The following CNTNAP2 variants were observed in gnomAD, a reference collection of about 807,000 sequenced individuals.
The protein encoded by CNTNAP2 is contactin-associated protein-like 2.
In CNTNAP2, 98 loss-of-function variants were observed where a neutral mutation model predicts 155.2. That is an observed-to-expected ratio of 0.63 (90% confidence interval 0.54 to 0.75). CNTNAP2 has a LOEUF of 0.75. Ranked by LOEUF, CNTNAP2 falls within the 30% of genes least tolerant of loss-of-function variation. CNTNAP2 has a pLI of 0.00. For missense variants in CNTNAP2, 1,727 were observed against 1,688.1 expected (o/e 1.02, Z -0.40); for synonymous variants, 651 against 631.2 (o/e 1.03, Z -0.47).
chr7:148,066,433 G>C (rs1478132728), intron 15 of CNTNAP2, among the ~76,000 whole-genome samples: 1 of 151,888 alleles, frequency 6.6e-6, no homozygotes, highest in African/African-American at 2.4e-5. Context: ...TCTTAGGTTT[G>C]GTCATTTAAC....
chr7:147,706,794 A>G (rs145654533), intron 13 of CNTNAP2, among the ~76,000 whole-genome samples: 2,908 of 152,282 alleles, frequency 0.019, 95 homozygotes, highest in African/African-American at 0.066. Context: ...ATTGTGTTCC[A>G]TATGCCACAA....
intron 1 of CNTNAP2, among the ~76,000 whole-genome samples, chr7:146,689,995 A>T (rs1009570899): frequency 2.7e-5 from 4 of 146,616 alleles, no homozygotes; most frequent in East Asian, 1.9e-4. Flanking sequence ...ATTTTTATTA[A>T]TTTTTTTCAA....
chr7:147,249,296 TTTCTCAAG>T (rs1804132808), intron 8 of CNTNAP2, among the ~76,000 whole-genome samples: 2 of 152,122 alleles, frequency 1.3e-5, no homozygotes, highest in Non-Finnish European at 2.9e-5. Flanking sequence ...TGAGTGTTAT[TTTCTCAAG>T]TTCATGCATA....
chr7:146,906,130 A>C (rs886355134), intron 3 of CNTNAP2, among the ~76,000 whole-genome samples: 1 of 152,192 alleles, frequency 6.6e-6, no homozygotes, highest in Non-Finnish European at 1.5e-5. Flanking sequence ...ACTATATCCC[A>C]CACCTGGCTC....
At chr7:147,875,250 G>A (rs1344336935) in intron 13 of CNTNAP2, among the ~76,000 whole-genome samples, 1 of 152,176 alleles carries the variant, frequency 6.6e-6, no homozygotes, top group African/African-American at 2.4e-5. Flanking sequence ...ATAAAGGAAA[G>A]AGGTTTAATG....
chr7:146,686,459 T>C (rs1252871337), intron 1 of CNTNAP2, among the ~76,000 whole-genome samples: 4 of 152,126 alleles, frequency 2.6e-5, no homozygotes, highest in African/African-American at 9.7e-5. Flanking sequence ...TACCAACAAA[T>C]ATTTATTAGG....
In CNTNAP2 at chr7:146,222,054, G is replaced by A. The variant is rs548483568; in HGVS notation, c.97+105081G>A. On this transcript the variant is annotated intron_variant, in intron 1 of 23. Coordinates refer to ENST00000361727, the MANE Select transcript of CNTNAP2 (RefSeq NM_014141.6). ...GTTTGTTACAGCATGTCAAGAAGGT[G>A]GAAATAGAACTTAGATTCAAGACTC... is the stretch of plus-strand genomic sequence containing the variant. 8.9e-4 allele frequency among the ~76,000 whole-genome samples: 136 copies of A among 152,234 alleles called. 1 individual carries two copies. The highest frequency in any genetic ancestry group is 1.7e-3 in the South Asian group (8 of 4,824).
At chr7:147,394,807 T>G (rs1047837171) in intron 9 of CNTNAP2, among the ~76,000 whole-genome samples, 9 of 139,286 alleles carry the variant, frequency 6.5e-5, no homozygotes, top group Non-Finnish European at 7.8e-5. Context: ...ATCAACAGTA[T>G]TGTGTGTGTG....
intron 1 of CNTNAP2, among the ~76,000 whole-genome samples, chr7:146,433,693 T>C (rs1796203443): frequency 1.3e-5 from 2 of 152,098 alleles, no homozygotes; most frequent in South Asian, 4.1e-4. Context: ...ATACAGATGG[T>C]CCCTCATCAC....
At chr7:147,200,235 A>G (rs1802895368) in intron 8 of CNTNAP2, among the ~76,000 whole-genome samples, 1 of 152,284 alleles carries the variant, frequency 6.6e-6, no homozygotes, top group South Asian at 2.1e-4. Flanking sequence ...TCCGGTTTAG[A>G]CAGAGTAATG....
At chr7:146,981,949 A>G (rs920031173) in intron 3 of CNTNAP2, among the ~76,000 whole-genome samples, 3 of 152,218 alleles carry the variant, frequency 2.0e-5, no homozygotes, top group East Asian at 3.9e-4. Context: ...TTACAGCATG[A>G]AAGCAGACAT....
At chr7:146,195,514 C>T (rs929683567) in intron 1 of CNTNAP2, among the ~76,000 whole-genome samples, 1 of 152,200 alleles carries the variant, frequency 6.6e-6, no homozygotes, top group Non-Finnish European at 1.5e-5. Flanking sequence ...CTTCCAATTG[C>T]TCTTTCTTAC....
At chr7:148,364,243 G>C (rs567446772) in intron 21 of CNTNAP2, among the ~76,000 whole-genome samples, 1 of 152,250 alleles carries the variant, frequency 6.6e-6, no homozygotes, top group Non-Finnish European at 1.5e-5. Flanking sequence ...CCCCAGTGCG[G>C]GATCCACTAG....
intron 10 of CNTNAP2, among the ~76,000 whole-genome samples, chr7:147,421,430 A>C (rs1056880426): frequency 6.6e-6 from 1 of 152,148 alleles, no homozygotes; most frequent in Non-Finnish European, 1.5e-5. Flanking sequence ...ATTCATTCAA[A>C]ATAGTCACAG....
intron 13 of CNTNAP2, among the ~76,000 whole-genome samples, chr7:147,659,979 C>T (rs1285301868): frequency 6.6e-6 from 1 of 152,264 alleles, no homozygotes; most frequent in Non-Finnish European, 1.5e-5. Context: ...CTCTCAAAAG[C>T]CCACCTGGAT....
chr7:146,268,382 T>G (rs1179798041), intron 1 of CNTNAP2, among the ~76,000 whole-genome samples: 1 of 152,174 alleles, frequency 6.6e-6, no homozygotes, highest in East Asian at 1.9e-4. Flanking sequence ...TTTATGGTCA[T>G]CCTATAGTCA....
intron 2 of CNTNAP2, among the ~76,000 whole-genome samples, chr7:146,834,582 T>C (rs1309634610): frequency 6.6e-6 from 1 of 152,184 alleles, no homozygotes; most frequent in Non-Finnish European, 1.5e-5. Context: ...AGCATTCTTA[T>C]TGTTTCGAGA....
At chr7:147,295,444 A>T (rs1279309628) in intron 8 of CNTNAP2, among the ~76,000 whole-genome samples, 1 of 152,168 alleles carries the variant, frequency 6.6e-6, no homozygotes, top group African/African-American at 2.4e-5. Flanking sequence ...ACCTGTTACC[A>T]TCTATAGGAT....
intron 1 of CNTNAP2, among the ~76,000 whole-genome samples, chr7:146,234,125 CTGT>C (rs1206865321): frequency 6.8e-6 from 1 of 146,090 alleles, no homozygotes; most frequent in African/African-American, 2.5e-5. Context: ...TCTCCAGCAC[CTGT>C]TGTTTCCTGA....
Sources: gnomAD v4.1 joint callset for allele counts (sites outside exome capture counted in the v4.1 genomes callset) on GRCh38, gnomAD v4.1.1 for gene constraint, MANE v1.5 for transcripts, NCBI Gene and HGNC (gene_info 2026-07-23, HGNC 2026-07-21) for gene names.